FAM117A: variants seen among roughly 807,000 people sequenced by gnomAD.
FAM117A encodes protein FAM117A.
FAM117A carries 21 observed loss-of-function variants against 44.1 expected under a neutral mutation model. That is an observed-to-expected ratio of 0.48 (90% CI 0.34 to 0.69). FAM117A has a LOEUF of 0.69. Ranked by LOEUF, FAM117A falls within the 30% of genes least tolerant of loss-of-function variation. The pLI is 0.01. For synonymous variants in FAM117A, 220 were observed against 238.3 expected, an observed-to-expected ratio of 0.92 and a Z score of 0.71; for missense variants, 498 against 589.9, an observed-to-expected ratio of 0.84 and a Z score of 1.61.
chr17:49,723,634 A>C (rs1394211916), intron 2 of FAM117A, among the ~76,000 whole-genome samples: 1 of 152,144 alleles, frequency 6.6e-6, no homozygotes, highest in African/African-American at 2.4e-5. Flanking sequence ...ACCTCCCCCG[A>C]GAGGTTGTTG....
Position 49,719,893 on chromosome 17 carries a change from G to A in FAM117A, c.575C>T (p.Ala192Val), listed in dbSNP as rs566472842. The change falls in exon 5 of 8, where the codon GCG (alanine) becomes GTG (valine). Residue 192 changes from alanine (A) to valine (V), a missense_variant and splice_region_variant. Coordinates refer to ENST00000240364, the MANE Select transcript of FAM117A (RefSeq NM_030802.4). ...CCCTGAGGGGAAGCTGGGAGGGGACGCCTGAGGAAGAGGCAAATGACAAAA... is the reference window on the plus strand; with the variant it reads ...CCCTGAGGGGAAGCTGGGAGGGGACACCTGAGGAAGAGGCAAATGACAAAA... The part of the protein sequence containing the change: ...GDHAVRGALR[A>V]SPPSFPSGSP... 10 of 1,600,298 alleles carry A rather than the reference G, an allele frequency of 6.2e-6. No individual in the cohort carries two copies. Among genetic ancestry groups the A allele is most frequent in the Non-Finnish European group, 2.5e-6 (3 of 1,176,788 alleles).
chr17:49,768,649 C>G (rs937896258), upstream of FAM117A, among the ~76,000 whole-genome samples: 1 of 152,136 alleles, frequency 6.6e-6, no homozygotes, highest in Admixed American at 6.5e-5. Flanking sequence ...GGGGTCAGAA[C>G]TGAAGGAGCA....
intron 1 of FAM117A, among the ~76,000 whole-genome samples, chr17:49,749,755 G>A (rs962057679): frequency 6.8e-6 from 1 of 148,066 alleles, no homozygotes; most frequent in Admixed American, 6.8e-5. Flanking sequence ...AATGTGAGGC[G>A]TGGACTGGGC....
rs1475284584 is a variant in FAM117A at position 49,719,802 on chromosome 17, C to T, written c.666G>A (p.Glu222=). 6.2e-7 allele frequency: 1 copy of T among 1,604,814 alleles called. No homozygotes were observed. Among genetic ancestry groups the T allele is most frequent in the Admixed American group, 1.7e-5 (1 of 58,170 alleles). ...CTCCCTGCTCCTTCACAAATACCTC[C>T]TCCAGCTCTTGGTTGAGCCCTTCCA... ...RSLEGLNQEL[E]EVFVKEQGEE... The change falls in exon 5 of 8, where the codon GAG becomes GAA. Residue 222 remains glutamate, a synonymous_variant. Transcript: ENST00000240364.
rs539216734 is a variant in FAM117A, at chr17:49,772,185, T to A, written c.-621+16312A>T. Among the ~76,000 whole-genome samples the A allele has an allele frequency of 2.6e-4, 39 of 151,770 alleles. No individual in the cohort carries two copies. The South Asian group carries it at 7.3e-3, about 28-fold the overall frequency. On this transcript the variant is annotated intron_variant, in intron 1 of 7. Transcript: ENST00000513602. ...GGGCATACCTGTAGTCCCAGTTATT[T>A]GGGAGGCTGAGGTGGGAGGATTGCT...
At chr17:49,715,354 G>C (rs760635356) in intron 7 of FAM117A, among the ~76,000 whole-genome samples, 1 of 152,144 alleles carries the variant, frequency 6.6e-6, no homozygotes, top group African/African-American at 2.4e-5. Context: ...CCCAAATCCA[G>C]TCCCAGCTAC....
In FAM117A at chr17:49,722,444, T is replaced by C; in HGVS notation, c.462+55A>G. The stretch of plus-strand genomic sequence containing the variant: ...ATGGAGCAGATGCATTGCATGGTAC[T>C]AGGGGATCGAGAAGAAGCCGCTACC... On this transcript the variant is annotated intron_variant, in intron 3 of 7. Coordinates refer to ENST00000240364, the MANE Select transcript of FAM117A (RefSeq NM_030802.4). 3 of 1,424,946 alleles carry C rather than the reference T, an allele frequency of 2.1e-6. No homozygotes were observed. In the South Asian group the frequency reaches 3.6e-5, roughly 17 times the overall value. 88.3% of individuals were successfully genotyped at this position (1,424,946 alleles called of 1,614,324 possible). A position where few individuals can be genotyped will look rare whatever the true frequency, so the allele number is the denominator to read the frequency against.
At chr17:49,784,155 G>A (rs1255671456) in intron 1 of FAM117A, among the ~76,000 whole-genome samples, 1 of 152,192 alleles carries the variant, frequency 6.6e-6, no homozygotes, top group East Asian at 1.9e-4. Context: ...TACTGTCAAG[G>A]AAACACTTTA....
intron 4 of FAM117A, 161 bp downstream of exon 4, chr17:49,720,165 C>G: frequency 1.5e-6 from 1 of 678,886 alleles, no homozygotes; most frequent in Non-Finnish European, 2.4e-6. Context: ...GCAAGAAGCC[C>G]TTCCAATATC....
rs778474201 is a variant in FAM117A, at chr17:49,717,551, C to G, written c.872G>C (p.Gly291Ala). Residue 291 changes from glycine (G) to alanine (A), a missense_variant, in exon 6 of 8, where the codon GGT (glycine) becomes GCT (alanine). Coordinates refer to ENST00000240364, the MANE Select transcript of FAM117A (RefSeq NM_030802.4). ...CGLASHEEHRGAAEELASTPN... is the reference protein window; with the variant it reads ...CGLASHEEHRAAAEELASTPN... ...GGTGGATGCCAGCTCCTCGGCGGCACCCCGATGTTCCTCATGACTGGCCAG... is the reference window on the plus strand; with the variant it reads ...GGTGGATGCCAGCTCCTCGGCGGCAGCCCGATGTTCCTCATGACTGGCCAG... 1.2e-6 allele frequency: 2 copies of G among 1,613,968 alleles called. No homozygotes were observed. The highest frequency in any genetic ancestry group is 1.7e-6 in the Non-Finnish European group (2 of 1,179,994).
intron 2 of FAM117A, among the ~76,000 whole-genome samples, chr17:49,723,070 G>A (rs749905310): frequency 2.0e-5 from 3 of 152,144 alleles, no homozygotes; most frequent in Non-Finnish European, 4.4e-5. Context: ...TTATTAACTG[G>A]TAAAACAGGA....
At chr17:49,773,200 G>A (rs2073766251) in intron 1 of FAM117A, 1 of 152,430 alleles carries the variant, frequency 6.6e-6, no homozygotes, top group Non-Finnish European at 1.5e-5. Context: ...AGCTACCTGG[G>A]AGGCTGAGGC....
intron 1 of FAM117A, among the ~76,000 whole-genome samples, chr17:49,779,567 T>C (rs1026507108): frequency 6.6e-6 from 1 of 152,218 alleles, no homozygotes; most frequent in Non-Finnish European, 1.5e-5. Flanking sequence ...CTCTTTTTCC[T>C]AGATAACTCT....
At chr17:49,728,421 T>C (rs1319297878) in intron 2 of FAM117A, among the ~76,000 whole-genome samples, 1 of 151,920 alleles carries the variant, frequency 6.6e-6, no homozygotes, top group African/African-American at 2.4e-5. Flanking sequence ...TTTTTTTTTT[T>C]TTCTAAAGGG....
intron 4 of FAM117A, 69 bp downstream of exon 4, chr17:49,720,257 A>G: frequency 2.4e-6 from 3 of 1,240,642 alleles, no homozygotes; most frequent in Non-Finnish European, 3.5e-6. Flanking sequence ...GACCCAGGAA[A>G]CCTCTGCCCA....
intron 5 of FAM117A, among the ~76,000 whole-genome samples, chr17:49,718,973 CA>C (rs747792681): frequency 0.08 from 4,688 of 58,922 alleles, 249 homozygotes; most frequent in African/African-American, 0.24. Flanking sequence ...CGAGACTCTC[CA>C]AAAAAAAAAA....
At chr17:49,719,592 T>G in intron 5 of FAM117A, 168 bp downstream of exon 5, 1 of 830,030 alleles carries the variant, frequency 1.2e-6, no homozygotes, top group Non-Finnish European at 1.8e-6. Flanking sequence ...TAAGGCCATT[T>G]GAGACTAATA....
At chr17:49,780,026 G>A (rs1460181670) in intron 1 of FAM117A, among the ~76,000 whole-genome samples, 2 of 152,206 alleles carry the variant, frequency 1.3e-5, no homozygotes, top group African/African-American at 2.4e-5. Flanking sequence ...AGACTAAGAT[G>A]TCCAAGGATG....
rs1343854852 is a variant in FAM117A, at chr17:49,750,405, ATGGTTCCAC to A, written c.196+13478_196+13486del. On this transcript the variant is annotated intron_variant, in intron 1 of 7. Coordinates refer to ENST00000240364, the MANE Select transcript of FAM117A (RefSeq NM_030802.4). ...AGCGAAGGAGGCATGCTATTTGGTG[ATGGTTCCAC>A]AGCTCTGTTCCTTTTTCTTTGCCAA... 3.4e-5 allele frequency among the ~76,000 whole-genome samples: 5 copies of A among 149,006 alleles called. No individual in the cohort carries two copies. In the East Asian group the frequency reaches 9.6e-4, roughly 29 times the overall value.
Sources: gnomAD v4.1 joint callset for allele counts (sites outside exome capture counted in the v4.1 genomes callset) on GRCh38, gnomAD v4.1.1 for gene constraint, MANE v1.5 for transcripts, NCBI Gene and HGNC (gene_info 2026-07-23, HGNC 2026-07-21) for gene names.